The following CRACD variants were observed in gnomAD, a reference collection of about 807,000 sequenced individuals.
CRACD encodes the protein capping protein-inhibiting regulator of actin dynamics.
CRACD carries 56 observed loss-of-function variants against 106.8 expected under a neutral mutation model. The ratio of observed to expected loss-of-function variants is 0.52; its 90% CI spans 0.42 to 0.66. CRACD has a LOEUF of 0.66. CRACD is among the 30% of genes least tolerant of loss of function. The pLI is 0.00. For missense variants in CRACD, 1,730 were observed against 1,623.2 expected (o/e 1.07, Z -1.13); for synonymous variants, 754 against 670.8 (o/e 1.12, Z -1.92).
intron 1 of CRACD, among the ~76,000 whole-genome samples, chr4:56,056,284 A>C (rs753396222): frequency 4.6e-5 from 7 of 152,242 alleles, no homozygotes; most frequent in Non-Finnish European, 1.0e-4. Context: ...ATGAGGGTAA[A>C]CAGACTAAGA....
intron 8 of CRACD, among the ~76,000 whole-genome samples, chr4:56,318,272 A>C (rs1389324254): frequency 6.6e-6 from 1 of 152,158 alleles, no homozygotes; most frequent in African/African-American, 2.4e-5. Context: ...GTGGGACTAC[A>C]GGTGTGAGCC....
At chr4:56,174,443 C>T (rs187337448) in intron 1 of CRACD, among the ~76,000 whole-genome samples, 3 of 152,274 alleles carry the variant, frequency 2.0e-5, no homozygotes, top group Non-Finnish European at 2.9e-5. Context: ...TCCCCCTCTC[C>T]CTGCTTCCCT....
intron 4 of CRACD, chr4:56,301,262 TGATAG>T: frequency 7.8e-7 from 1 of 1,280,570 alleles, no homozygotes; most frequent in Non-Finnish European, 1.0e-6. Flanking sequence ...GTCGTAGAAG[TGATAG>T]TAACTTTATT....
chr4:56,323,335 G>T lies in CRACD; in HGVS notation c.3188-42G>T, dbSNP rs781574200. 4 of 1,559,452 alleles carry T rather than the reference G, an allele frequency of 2.6e-6. No individual in the cohort carries two copies. In the South Asian group the frequency reaches 3.6e-5, roughly 14 times the overall value. ...GGTGAGGAACTGAGGTAAGTCCGCAGTTAAGTTCATTGCAAACCGTTCTTT... is the reference window on the plus strand; with the variant it reads ...GGTGAGGAACTGAGGTAAGTCCGCATTTAAGTTCATTGCAAACCGTTCTTT... On this transcript the variant is annotated intron_variant, in intron 8 of 10. Transcript: ENST00000682029.
chr4:56,248,282 T>C (rs948601280), intron 2 of CRACD, among the ~76,000 whole-genome samples: 3 of 152,200 alleles, frequency 2.0e-5, no homozygotes, highest in Admixed American at 6.5e-5. Flanking sequence ...CATCTTACTA[T>C]GGAAAAATGC....
chr4:56,179,157 A>G (rs960249208), intron 1 of CRACD, 127 bp from the exon 2 acceptor site: 1 of 137,654 alleles, frequency 7.3e-6, no homozygotes, highest in African/African-American at 2.6e-5. Context: ...TGGAAGACTC[A>G]TGGAGGGGGA....
Position 56,315,577 on chromosome 4 carries a change from G to A in CRACD, c.2075G>A (p.Arg692Lys). Residue 692 changes from arginine to lysine, a missense_variant, in exon 8 of 11, where the codon AGG becomes AAG. Physicochemically the swap from Arg to Lys is conservative, Grantham distance 26 (BLOSUM62 2). Around this residue, in one of 5 missense-constraint regions of CRACD, gnomAD observed 1,620 missense variants for 1,481.6 expected, o/e 1.09. Transcript: ENST00000682029. The surrounding 1 kb of genome is among the most constrained non-coding windows in gnomAD (Gnocchi z 4.1). ...DPRSSERDQL[R>K]PGDESTPRGR... The stretch of plus-strand genomic sequence containing the variant: ...CGCAGCAGCGAGAGGGACCAGTTGA[G>A]GCCCGGTGATGAGTCCACTCCCAGG... 1 of 1,614,168 alleles carries A rather than the reference G, an allele frequency of 6.2e-7. No individual in the cohort carries two copies. Among genetic ancestry groups the A allele is most frequent in the Non-Finnish European group, 8.5e-7 (1 of 1,180,036 alleles).
At chr4:56,168,191 T>A (rs1379151890) in intron 1 of CRACD, among the ~76,000 whole-genome samples, 1 of 152,192 alleles carries the variant, frequency 6.6e-6, no homozygotes, top group African/African-American at 2.4e-5. Flanking sequence ...GGATGTTAGC[T>A]GTAAGTTTTT....
intron 1 of CRACD, among the ~76,000 whole-genome samples, chr4:56,068,277 A>T (rs1335586351): frequency 6.6e-6 from 1 of 152,198 alleles, no homozygotes; most frequent in Non-Finnish European, 1.5e-5. Context: ...AGAGACAGCA[A>T]GTGTAACGGG....
chr4:56,104,700 G>T (rs918401334), intron 1 of CRACD, among the ~76,000 whole-genome samples: 1 of 152,190 alleles, frequency 6.6e-6, no homozygotes, highest in Non-Finnish European at 1.5e-5. Context: ...GGGCGCCGTG[G>T]CTCACGCCTG....
chr4:56,091,610 C>G (rs1437128235), intron 1 of CRACD, among the ~76,000 whole-genome samples: 4 of 152,122 alleles, frequency 2.6e-5, no homozygotes, highest in East Asian at 3.9e-4. Context: ...AAGGGATGAT[C>G]CTGCACTGGG....
intron 8 of CRACD, among the ~76,000 whole-genome samples, chr4:56,320,237 A>C (rs1414860520): frequency 3.3e-5 from 5 of 152,096 alleles, no homozygotes; most frequent in Non-Finnish European, 7.4e-5. Flanking sequence ...ATAGCTTAGT[A>C]TCCCTTTCTC....
intron 2 of CRACD, among the ~76,000 whole-genome samples, chr4:56,271,608 C>T (rs889306441): frequency 1.3e-5 from 2 of 152,016 alleles, no homozygotes; most frequent in South Asian, 2.1e-4. Context: ...AAGTGTTTTT[C>T]TCAGCCTCTT....
At chr4:56,230,598 T>A (rs1739564440) in intron 2 of CRACD, among the ~76,000 whole-genome samples, 1 of 152,150 alleles carries the variant, frequency 6.6e-6, no homozygotes, top group Non-Finnish European at 1.5e-5. Flanking sequence ...ACCTGAACAA[T>A]GGTTTTCGAG....
chr4:56,239,142 A>C (rs1740198002), intron 2 of CRACD, among the ~76,000 whole-genome samples: 2 of 152,022 alleles, frequency 1.3e-5, no homozygotes, highest in African/African-American at 4.8e-5. Flanking sequence ...AAACTACAAA[A>C]ATTAGCTGGG....
chr4:56,190,069 GT>G (rs1737301533), intron 2 of CRACD, among the ~76,000 whole-genome samples: 1 of 148,706 alleles, frequency 6.7e-6, no homozygotes. Context: ...AATATGTGGT[GT>G]TTGGTTTTTT....
At chr4:56,134,688 G>A (rs1184929603) in intron 1 of CRACD, among the ~76,000 whole-genome samples, 2 of 152,224 alleles carry the variant, frequency 1.3e-5, no homozygotes, top group Non-Finnish European at 2.9e-5. Context: ...ACTGTGGGCA[G>A]AGGTTATTAT....
chr4:56,214,813 C>G (rs1251458729), intron 2 of CRACD, among the ~76,000 whole-genome samples: 1 of 151,638 alleles, frequency 6.6e-6, no homozygotes, highest in East Asian at 1.9e-4. Context: ...GAGTTCGAGA[C>G]AAGTCTGGCC....
intron 3 of CRACD, among the ~76,000 whole-genome samples, chr4:56,287,293 T>C (rs1379814179): frequency 6.8e-6 from 1 of 147,844 alleles, no homozygotes; most frequent in East Asian, 2.0e-4. Flanking sequence ...CTTGGCTAAT[T>C]TTTTTTTTTT....
Sources: allele counts gnomAD v4.1 joint callset (sites outside exome capture counted in the v4.1 genomes callset), GRCh38; gene constraint gnomAD v4.1.1; regional missense constraint gnomAD v4.1.1; non-coding constraint Gnocchi (gnomAD v3.1); transcripts MANE v1.5; gene names NCBI Gene and HGNC (gene_info 2026-07-23, HGNC 2026-07-21).